MYCBP2: variants seen among roughly 807,000 people sequenced by gnomAD.
The protein encoded by MYCBP2 is MYC binding protein 2.
MYCBP2 carries 120 observed loss-of-function variants against 525.3 expected under a neutral mutation model. The ratio of observed to expected loss-of-function variants is 0.23; its 90% confidence interval spans 0.20 to 0.27. The LOEUF (loss-of-function observed/expected upper bound fraction) is 0.27. MYCBP2 is among the 10% of genes least tolerant of loss of function. The pLI is 1.00. For synonymous variants in MYCBP2, 1,894 were observed against 1,955.8 expected (o/e 0.97, Z 0.83); for missense variants, 4,149 against 5,657.1 (o/e 0.73, Z 8.55).
At chr13:77,063,919 C>T (rs954597653) in intron 73 of MYCBP2, among the ~76,000 whole-genome samples, 1 of 152,128 alleles carries the variant, frequency 6.6e-6, no homozygotes, top group Non-Finnish European at 1.5e-5. Flanking sequence ...TTTTTCCGCC[C>T]TAGGGATATA....
intron 2 of MYCBP2, 140 bp from the exon 3 acceptor site, chr13:77,288,516 T>C (rs917192134): frequency 2.7e-6 from 2 of 730,966 alleles, no homozygotes; most frequent in South Asian, 1.9e-5. Flanking sequence ...TCTAAGTCTA[T>C]GGACCCAACT....
Position 77,119,543 on chromosome 13 carries a change from G to GA in MYCBP2, c.8140+1829dup, listed in dbSNP as rs575229591. On this transcript the variant is annotated intron_variant, in intron 55 of 82. Transcript: ENST00000544440. ...AGAATTTTCTAAAATACTGTTTTAA[G>GA]AAAAAAAAACTTACAAAAAACAGCT... Among the ~76,000 whole-genome samples the GA allele has an allele frequency of 1.5e-3, 221 of 150,588 alleles. 1 individual carries two copies. The highest frequency in any genetic ancestry group is 2.7e-3 in the Non-Finnish European group (182 of 67,468).
chr13:77,190,100 T>A (rs1409992447), intron 29 of MYCBP2, 152 bp downstream of exon 29: 2 of 448,090 alleles, frequency 4.5e-6, no homozygotes, highest in Non-Finnish European at 7.8e-6. Flanking sequence ...TATTAACTGT[T>A]TTTGTTAAAT....
At chr13:77,152,354 TA>T (rs2056591613) in intron 46 of MYCBP2, among the ~76,000 whole-genome samples, 1 of 152,104 alleles carries the variant, frequency 6.6e-6, no homozygotes, top group Non-Finnish European at 1.5e-5. Flanking sequence ...TGTGCCAGCA[TA>T]AAAAGCTTTA....
chr13:77,067,460 T>C, intron 71 of MYCBP2, 121 bp downstream of exon 71: 1 of 1,006,288 alleles, frequency 9.9e-7, no homozygotes, highest in African/African-American at 1.6e-5. Flanking sequence ...TATTAGCCAG[T>C]TGTTTATGGA....
At chr13:77,296,697 GA>G (rs752414464) in intron 1 of MYCBP2, 23 bp from the exon 2 acceptor site, 17 of 1,303,862 alleles carry the variant, frequency 1.3e-5, no homozygotes, top group Non-Finnish European at 1.7e-5. Flanking sequence ...AGAAAAATGG[GA>G]AAAAAATATG....
chr13:77,117,879 C>T (rs2050047179), intron 55 of MYCBP2, among the ~76,000 whole-genome samples: 1 of 151,940 alleles, frequency 6.6e-6, no homozygotes, highest in Admixed American at 6.6e-5. Context: ...ATCAATTTAA[C>T]ATATTAGGAA....
At chr13:77,233,562 AAATC>A (rs1462720101) in intron 17 of MYCBP2, among the ~76,000 whole-genome samples, 15 of 152,098 alleles carry the variant, frequency 9.9e-5, no homozygotes, top group African/African-American at 1.9e-4. Flanking sequence ...AGTTCAATTT[AAATC>A]AATCAAATTA....
rs545897519 is a variant in MYCBP2 at position 77,108,711 on chromosome 13, T to A, written c.8141-9698A>T. ...TTTTAGGATAAGATACTTTATTTTT[T>A]TTTTTTTTTTGAGATGGAGTCTTGC... On this transcript the variant is annotated intron_variant, in intron 55 of 82. Coordinates refer to ENST00000544440, the MANE Select transcript of MYCBP2 (RefSeq NM_015057.5). 2.0e-3 allele frequency among the ~76,000 whole-genome samples: 306 copies of A among 151,980 alleles called. 2 individuals are homozygous for A. Among genetic ancestry groups the A allele is most frequent in the African/African-American group, 5.4e-3 (223 of 41,474 alleles).
intron 26 of MYCBP2, among the ~76,000 whole-genome samples, chr13:77,199,354 C>G (rs998834466): frequency 2.0e-5 from 3 of 152,244 alleles, no homozygotes; most frequent in African/African-American, 7.2e-5. Flanking sequence ...AACGGCACAC[C>G]AGGAGATTAT....
At chr13:77,171,661 T>C (rs1356906442) in intron 37 of MYCBP2, 27 bp from the exon 38 acceptor site, 2 of 1,609,660 alleles carry the variant, frequency 1.2e-6, no homozygotes, top group Non-Finnish European at 1.7e-6. Flanking sequence ...CATGAGATTA[T>C]TTTACAATGG....
At chr13:77,292,455 C>CA (rs1328919492) in intron 2 of MYCBP2, among the ~76,000 whole-genome samples, 1 of 150,346 alleles carries the variant, frequency 6.7e-6, no homozygotes, top group Non-Finnish European at 1.5e-5. Flanking sequence ...ATAAAATCAG[C>CA]AAAAAAATGG....
chr13:77,092,967 C>G (rs949199595), intron 59 of MYCBP2, among the ~76,000 whole-genome samples, 198 bp downstream of exon 59: 2 of 152,150 alleles, frequency 1.3e-5, no homozygotes, highest in African/African-American at 4.8e-5. Flanking sequence ...ACTAGTTGAT[C>G]TCTTCTCTCC....
At chr13:77,215,990 T>C (rs947660550) in intron 21 of MYCBP2, among the ~76,000 whole-genome samples, 1 of 152,230 alleles carries the variant, frequency 6.6e-6, no homozygotes. Context: ...TAGTGTCTAA[T>C]ACTATTCCCC....
intron 14 of MYCBP2, among the ~76,000 whole-genome samples, chr13:77,254,031 G>C (rs1326637121): frequency 6.6e-6 from 1 of 151,782 alleles, no homozygotes; most frequent in East Asian, 1.9e-4. Context: ...CATGTTCACT[G>C]TGTGGTATAT....
In MYCBP2 at chr13:77,181,884, T is replaced by A; in HGVS notation, c.4758A>T (p.Arg1586=). The change falls in exon 33 of 83, where the codon CGA becomes CGT. Residue 1586 remains arginine (R), a synonymous_variant. Coordinates refer to ENST00000544440, the MANE Select transcript of MYCBP2 (RefSeq NM_015057.5). ...GAGCTGACATAACAGCTGCAAGGAG[T>A]CGGCTACTTGATGTCTTGAAGTTTG... The part of the protein sequence containing the change: ...QEANFKTSSS[R]LLAAVMSALC... 2 of 1,613,682 alleles carry A rather than the reference T, an allele frequency of 1.2e-6. No individual in the cohort carries two copies. The highest frequency in any genetic ancestry group is 2.2e-5 in the East Asian group (1 of 44,862).
In MYCBP2 at chr13:77,273,796, A is replaced by G. The variant is rs139983670; in HGVS notation, c.749-128T>C. On this transcript the variant is annotated intron_variant, in intron 4 of 82. Coordinates refer to ENST00000544440, the MANE Select transcript of MYCBP2 (RefSeq NM_015057.5). Reference sequence around the variant, plus strand: ...GAATCTAGAACAATTACTTTGCTTTAGTTTCTTTCTAGTTACTCTCTTCCC... The same window carrying G: ...GAATCTAGAACAATTACTTTGCTTTGGTTTCTTTCTAGTTACTCTCTTCCC... 1.9e-3 allele frequency: 1,291 copies of G among 671,692 alleles called. 10 individuals carry two copies. In the African/African-American group the frequency reaches 0.021, roughly 11 times the overall value. 41.6% of individuals were successfully genotyped at this position (671,692 alleles called of 1,614,324 possible). A position where few individuals can be genotyped will look rare whatever the true frequency, so the allele number is the denominator to read the frequency against.
At chr13:77,283,113 C>T (rs2076369736) in intron 3 of MYCBP2, among the ~76,000 whole-genome samples, 2 of 152,068 alleles carry the variant, frequency 1.3e-5, no homozygotes, top group African/African-American at 4.8e-5. Context: ...AAAGTTACTC[C>T]AGTGTTAGTA....
At chr13:77,177,713 C>A in intron 35 of MYCBP2, 35 bp downstream of exon 35, 1 of 1,519,556 alleles carries the variant, frequency 6.6e-7, no homozygotes, top group Non-Finnish European at 9.1e-7. Flanking sequence ...ACACAACCCA[C>A]TAATCAGGAT....
Sources: gnomAD v4.1 joint callset for allele counts (sites outside exome capture counted in the v4.1 genomes callset) on GRCh38, gnomAD v4.1.1 for gene constraint, MANE v1.5 for transcripts, NCBI Gene and HGNC (gene_info 2026-07-23, HGNC 2026-07-21) for gene names.